Variants in WASHC3 observed in about 807,000 individuals in gnomAD.
The protein encoded by WASHC3 is WASH complex subunit 3, also known as WASH complex subunit CCDC53.
A neutral mutation model predicts 26.1 loss-of-function variants in WASHC3; 24 were observed. The ratio of observed to expected loss-of-function variants is 0.92; its 90% confidence interval spans 0.66 to 1.29. The LOEUF (loss-of-function observed/expected upper bound fraction) is 1.29, where lower values mean the gene tolerates loss of function less well. Among genes scored for constraint, WASHC3 ranks in the 50% most tolerant of loss-of-function variants. The pLI is 0.00. For synonymous variants in WASHC3, 77 were observed against 75.7 expected (o/e 1.02, Z -0.09); for missense variants, 214 against 229.6 (o/e 0.93, Z 0.44).
intron 5 of WASHC3, among the ~76,000 whole-genome samples, chr12:102,037,319 G>C (rs1877706278): frequency 6.6e-6 from 1 of 152,158 alleles, no homozygotes; most frequent in African/African-American, 2.4e-5. Context: ...AACTTTGTAG[G>C]GAAGAGAGAG....
chr12:102,042,887 A>G (rs1013354951), intron 4 of WASHC3, among the ~76,000 whole-genome samples: 2 of 152,238 alleles, frequency 1.3e-5, no homozygotes, highest in Non-Finnish European at 2.9e-5. Flanking sequence ...CCTCGCTGAG[A>G]TACACTAGAG....
At chr12:102,039,206 C>T (rs1877828233) in intron 5 of WASHC3, among the ~76,000 whole-genome samples, 1 of 138,140 alleles carries the variant, frequency 7.2e-6, no homozygotes, top group African/African-American at 2.7e-5. Flanking sequence ...AAACTCCTGT[C>T]TTCAAGTCAT....
At position 102,042,176 on chromosome 12, in the gene WASHC3, A is replaced by G. The variant is rs1157346628; in HGVS notation, c.324+1929T>C. Reference sequence around the variant, plus strand: ...GCTTTATTTTAGAAAGAGGATAGTCATATTTAATTGAGAGAATGTAAAGTT... The same window carrying G: ...GCTTTATTTTAGAAAGAGGATAGTCGTATTTAATTGAGAGAATGTAAAGTT... On this transcript the variant is annotated intron_variant, in intron 4 of 6. Transcript: ENST00000240079. Among the ~76,000 whole-genome samples the G allele has an allele frequency of 4.6e-5, 7 of 152,192 alleles. No individual in the cohort carries two copies. The East Asian group carries it at 1.2e-3, about 25-fold the overall frequency.
intron 5 of WASHC3, among the ~76,000 whole-genome samples, chr12:102,027,098 T>C (rs1877226907): frequency 6.6e-6 from 1 of 152,216 alleles, no homozygotes. Flanking sequence ...ATGTGCTGTT[T>C]TGAAACATGT....
chr12:102,046,843 C>T lies in WASHC3; in HGVS notation c.151-724G>A, dbSNP rs60779845. On this transcript the variant is annotated intron_variant, in intron 2 of 6. Coordinates refer to ENST00000240079, the MANE Select transcript of WASHC3 (RefSeq NM_016053.4). ...AAAGAATAAAAATTATTCAAAGACA[C>T]GCTGCAACAAGGTCTGCCTTTATAA... Among the ~76,000 whole-genome samples, 1,088 of 152,156 alleles carry T rather than the reference C, an allele frequency of 7.2e-3. 9 individuals are homozygous for T. The highest frequency in any genetic ancestry group is 0.025 in the African/African-American group (1,036 of 41,498).
chr12:102,025,451 T>C (rs1877135816), intron 6 of WASHC3, among the ~76,000 whole-genome samples: 1 of 152,048 alleles, frequency 6.6e-6, no homozygotes, highest in Admixed American at 6.6e-5. Context: ...AAAACTCACA[T>C]AAATTAGTAT....
chr12:102,021,355 C>G (rs1023484706), intron 6 of WASHC3, among the ~76,000 whole-genome samples: 7 of 152,282 alleles, frequency 4.6e-5, no homozygotes, highest in African/African-American at 1.7e-4. Flanking sequence ...AAAAGAAAAG[C>G]AGCTGTTCTA....
At chr12:102,045,325 C>T (rs1189388579) in intron 3 of WASHC3, among the ~76,000 whole-genome samples, 2 of 152,120 alleles carry the variant, frequency 1.3e-5, no homozygotes, top group African/African-American at 4.8e-5. Context: ...GTAGAAAGTA[C>T]AAACTAGACA....
chr12:102,029,636 T>A (rs1223306736), intron 5 of WASHC3, among the ~76,000 whole-genome samples: 1 of 152,232 alleles, frequency 6.6e-6, no homozygotes. Flanking sequence ...AAAAACAACT[T>A]CATTGTCAAT....
At chr12:102,017,883 C>A in intron 6 of WASHC3, 1 of 343,592 alleles carries the variant, frequency 2.9e-6, no homozygotes, top group Non-Finnish European at 5.6e-6. Flanking sequence ...AGTACATTCA[C>A]ATTGTTGTAC....
intron 5 of WASHC3, among the ~76,000 whole-genome samples, chr12:102,035,832 C>T (rs1167169704): frequency 6.6e-6 from 1 of 152,098 alleles, no homozygotes; most frequent in Non-Finnish European, 1.5e-5. Flanking sequence ...GTGACAAACT[C>T]CAGGAAGAAT....
intron 6 of WASHC3, among the ~76,000 whole-genome samples, chr12:102,016,958 T>C (rs1244798474): frequency 6.6e-6 from 1 of 152,196 alleles, no homozygotes; most frequent in East Asian, 1.9e-4. Flanking sequence ...AAGTGTACAG[T>C]GTTTATGAAA....
intron 6 of WASHC3, chr12:102,019,156 C>T (rs1876844348): frequency 6.1e-6 from 1 of 164,750 alleles, no homozygotes; most frequent in Admixed American, 6.5e-5. Flanking sequence ...AAAGTGCATA[C>T]TAGTTCTCTT....
intron 2 of WASHC3, chr12:102,050,173 G>A (rs1878330603): frequency 2.9e-6 from 1 of 349,068 alleles, no homozygotes; most frequent in South Asian, 2.1e-5. Context: ...AATTAGCCAG[G>A]TGTGGTGGCA....
At chr12:102,056,399 ACAG>A (rs1372144354) in intron 2 of WASHC3, among the ~76,000 whole-genome samples, 7 of 152,206 alleles carry the variant, frequency 4.6e-5, no homozygotes, top group Non-Finnish European at 8.8e-5. Flanking sequence ...TTGACAGAAA[ACAG>A]AACAATGCAT....
At chr12:102,025,808 A>T (rs951735322) in intron 6 of WASHC3, 166 bp downstream of exon 6, 1 of 572,664 alleles carries the variant, frequency 1.7e-6, no homozygotes, top group Non-Finnish European at 3.0e-6. Context: ...GTAGAATATG[A>T]TATTTTTCTG....
At chr12:102,053,135 C>G (rs1195477112) in intron 2 of WASHC3, among the ~76,000 whole-genome samples, 1 of 152,016 alleles carries the variant, frequency 6.6e-6, no homozygotes, top group African/African-American at 2.4e-5. Flanking sequence ...AGGCCCACCC[C>G]CACATACTCT....
intron 2 of WASHC3, among the ~76,000 whole-genome samples, chr12:102,058,609 G>A (rs1243954622): frequency 6.6e-6 from 1 of 152,090 alleles, no homozygotes; most frequent in Non-Finnish European, 1.5e-5. Flanking sequence ...TGGTGGGAAT[G>A]TAAATTAGTA....
intron 2 of WASHC3, among the ~76,000 whole-genome samples, chr12:102,048,558 C>T (rs1286359695): frequency 3.3e-5 from 5 of 150,426 alleles, no homozygotes; most frequent in Non-Finnish European, 4.4e-5. Context: ...AGTGAGACTC[C>T]GTCTCAAAAG....
Sources: gnomAD v4.1 joint callset for allele counts (sites outside exome capture counted in the v4.1 genomes callset) on GRCh38, gnomAD v4.1.1 for gene constraint, MANE v1.5 for transcripts, NCBI Gene and HGNC (gene_info 2026-07-23, HGNC 2026-07-21) for gene names.